SCML4: variants seen among roughly 807,000 people sequenced by gnomAD.
SCML4 encodes Scm polycomb group protein like 4.
Under a neutral mutation model 41.1 loss-of-function variants are expected in SCML4, and 34 were observed. The observed-to-expected ratio is 0.83, with a 90% confidence interval of 0.63 to 1.10. SCML4 has a LOEUF of 1.10. Ranked by LOEUF, SCML4 falls within the 50% of genes least tolerant of loss-of-function variation. SCML4 has a pLI of 0.00. For missense variants in SCML4, 522 were observed against 534.1 expected (o/e 0.98, Z 0.22); for synonymous variants, 214 against 220.9 (o/e 0.97, Z 0.28).
chr6:107,781,263 C>T (rs1383789688), intron 1 of SCML4, among the ~76,000 whole-genome samples: 2 of 152,080 alleles, frequency 1.3e-5, no homozygotes, highest in Non-Finnish European at 2.9e-5. Flanking sequence ...TGAAAGTAAA[C>T]CAGCTTGTCC....
In SCML4 at chr6:107,813,193, C is replaced by G. The variant is rs184635477; in HGVS notation, c.-60+10933G>C. Among the ~76,000 whole-genome samples, 5 of 150,712 alleles carry G rather than the reference C, an allele frequency of 3.3e-5. No homozygotes were observed. The East Asian group carries it at 7.8e-4, about 24-fold the overall frequency. On this transcript the variant is annotated intron_variant, in intron 1 of 7. Transcript: ENST00000369020. ...GCCTGGCAACATGATGAAACCCCGT[C>G]TCTACCAAAAATACAAAAAATTAGC...
chr6:107,844,444 T>C, the SCML4 span, among the ~76,000 whole-genome samples: 1 of 152,238 alleles, frequency 6.6e-6, no homozygotes, highest in Non-Finnish European at 1.5e-5. Flanking sequence ...ATGCCTGTAA[T>C]CCCAACACGC....
rs535065115 is a variant in SCML4, at chr6:107,702,944, A to G, written c.*2256T>C. Among the ~76,000 whole-genome samples, 146 of 152,274 alleles carry G rather than the reference A, an allele frequency of 9.6e-4. No individual in the cohort carries two copies. Among genetic ancestry groups the G allele is most frequent in the Non-Finnish European group, 1.8e-3 (122 of 68,010 alleles). ...ATAGGTCATAAAGACCTTCTGATAAAACAGGTTGCAGTAAAGAAGTTGGCT... is the reference window on the plus strand; with the variant it reads ...ATAGGTCATAAAGACCTTCTGATAAGACAGGTTGCAGTAAAGAAGTTGGCT... On this transcript the variant is annotated 3_prime_UTR_variant, in exon 8 of 8. Coordinates refer to ENST00000369020, the MANE Select transcript of SCML4 (RefSeq NM_198081.5).
At chr6:107,721,744 G>A (rs1583406826) in intron 5 of SCML4, among the ~76,000 whole-genome samples, 1 of 152,194 alleles carries the variant, frequency 6.6e-6, no homozygotes, top group South Asian at 2.1e-4. Flanking sequence ...TGGTGGCCCA[G>A]GTGCCACAGT....
intron 2 of SCML4, 60 bp downstream of exon 2, chr6:107,772,112 G>T: frequency 1.4e-6 from 2 of 1,464,730 alleles, no homozygotes; most frequent in South Asian, 2.8e-5. Flanking sequence ...GTGCAGGTCT[G>T]ACCAAGTACC....
the SCML4 span, among the ~76,000 whole-genome samples, chr6:107,839,313 T>A: frequency 1 from 146,863 of 146,998 alleles, 73,364 homozygotes; most frequent in Middle Eastern, 1. Flanking sequence ...AAAGAGAGAG[T>A]GAGAGGAAAG....
At chr6:107,714,999 A>C in intron 6 of SCML4, among the ~76,000 whole-genome samples, 1 of 143,958 alleles carries the variant, frequency 6.9e-6, no homozygotes, top group Non-Finnish European at 1.5e-5. Context: ...TTTTGAGATG[A>C]AGTCCCGCTT....
the SCML4 span, among the ~76,000 whole-genome samples, chr6:107,839,405 GAA>G: frequency 5.6e-5 from 8 of 141,958 alleles, no homozygotes; most frequent in African/African-American, 1.1e-4. Flanking sequence ...AAGAAAGAAA[GAA>G]AGAGGAAGAA....
rs1007102160 is a variant in SCML4 at position 107,754,161 on chromosome 6, T to G, written c.157-4348A>C. On this transcript the variant is annotated intron_variant, in intron 2 of 7. Coordinates refer to ENST00000369020, the MANE Select transcript of SCML4 (RefSeq NM_198081.5). ...CATTGGCTGCACAGTGCTAAATGGG[T>G]GCTGAATTTGAGGCTCTCAAGGGAA... Among the ~76,000 whole-genome samples the G allele has an allele frequency of 2.6e-5, 4 of 152,288 alleles. No individual in the cohort carries two copies. The South Asian group carries it at 8.3e-4, about 32-fold the overall frequency.
chr6:107,810,723 CTG>C (rs1339746020), intron 1 of SCML4, among the ~76,000 whole-genome samples: 2 of 152,240 alleles, frequency 1.3e-5, no homozygotes, highest in South Asian at 2.1e-4. Context: ...AAAATAAACA[CTG>C]TTATAAATTG....
chr6:107,813,401 T>TATA (rs1199965221), intron 1 of SCML4, among the ~76,000 whole-genome samples: 2 of 54,610 alleles, frequency 3.7e-5, no homozygotes, highest in African/African-American at 1.9e-4. Context: ...TATATATATA[T>TATA]ATATATATAT....
chr6:107,721,982 CTT>C (rs10649065), intron 5 of SCML4, among the ~76,000 whole-genome samples: 11 of 135,918 alleles, frequency 8.1e-5, no homozygotes, highest in Admixed American at 7.4e-5. Flanking sequence ...ACTTATCATA[CTT>C]TTTTTTTTTT....
the SCML4 span, among the ~76,000 whole-genome samples, chr6:107,833,481 T>C: frequency 5.7e-4 from 87 of 152,124 alleles, no homozygotes; most frequent in African/African-American, 2.0e-3. Flanking sequence ...GCTGAGGAGC[T>C]CAGGAGACAC....
chr6:107,770,596 G>T (rs1780436884), intron 2 of SCML4, among the ~76,000 whole-genome samples: 1 of 152,182 alleles, frequency 6.6e-6, no homozygotes, highest in Non-Finnish European at 1.5e-5. Flanking sequence ...CCTGCTTTGG[G>T]CAGAGCTCTG....
chr6:107,767,913 C>A (rs1366117429), intron 2 of SCML4, among the ~76,000 whole-genome samples: 2 of 152,032 alleles, frequency 1.3e-5, no homozygotes, highest in Non-Finnish European at 2.9e-5. Flanking sequence ...AACAGTGGGA[C>A]AGTGGGACCT....
At chr6:107,740,834 A>C (rs1175612531) in intron 5 of SCML4, among the ~76,000 whole-genome samples, 1 of 152,226 alleles carries the variant, frequency 6.6e-6, no homozygotes, top group East Asian at 1.9e-4. Context: ...ATCGGCTAGA[A>C]GCAGAGAGCA....
intron 6 of SCML4, among the ~76,000 whole-genome samples, chr6:107,709,531 C>T (rs549805242): frequency 3.3e-5 from 5 of 152,244 alleles, no homozygotes; most frequent in South Asian, 4.2e-4. Context: ...TTGTTGTGAC[C>T]GACCGAATGT....
At chr6:107,721,993 T>G (rs1775474366) in intron 5 of SCML4, among the ~76,000 whole-genome samples, 1 of 151,246 alleles carries the variant, frequency 6.6e-6, no homozygotes, top group Non-Finnish European at 1.5e-5. Flanking sequence ...TTTTTTTTTT[T>G]TTTTTTGAGA....
chr6:107,710,163 C>A (rs2114351245), intron 6 of SCML4, among the ~76,000 whole-genome samples: 1 of 9,898 alleles, frequency 1.0e-4, no homozygotes. Flanking sequence ...AGAGCTCTTC[C>A]TTGTCTCTCA....
Sources: allele counts gnomAD v4.1 joint callset (sites outside exome capture counted in the v4.1 genomes callset), GRCh38; gene constraint gnomAD v4.1.1; transcripts MANE v1.5; gene names NCBI Gene and HGNC (gene_info 2026-07-23, HGNC 2026-07-21).